The following FMNL3 variants were observed in gnomAD, a reference collection of about 807,000 sequenced individuals.
The protein encoded by FMNL3 is formin-like protein 3.
Under a neutral mutation model 119.6 loss-of-function variants are expected in FMNL3, and 57 were observed. The ratio of observed to expected loss-of-function variants is 0.48; its 90% CI spans 0.39 to 0.59. FMNL3 has a LOEUF of 0.59. FMNL3 is among the 20% of genes least tolerant of loss of function. FMNL3 has a pLI of 0.00. For missense variants in FMNL3, 1,053 were observed against 1,323.5 expected (o/e 0.80, Z 3.17); for synonymous variants, 491 against 507.3 (o/e 0.97, Z 0.43).
rs192758732 is a variant in FMNL3 at position 49,647,739 on chromosome 12, G to A, written c.2742C>T (p.Phe914=). 2.0e-3 allele frequency: 3,249 copies of A among 1,614,188 alleles called. 9 individuals are homozygous for A. Among genetic ancestry groups the A allele is most frequent in the Admixed American group, 8.9e-3 (532 of 60,028 alleles). ...GAATGAATCGGACAAATACTGGGAA[G>A]AATACAGAAGGAGGTGTAGTCTTGG... ...ESPKTTPPSV[F]FPVFVRFIRS... is the part of the protein sequence containing the mutation. The change falls in exon 23 of 26, where the codon TTC becomes TTT. Residue 914 remains phenylalanine (F), a synonymous_variant. Coordinates refer to ENST00000335154, the MANE Select transcript of FMNL3 (RefSeq NM_175736.5). This position sits in a 1 kb window ranked among gnomAD's most constrained non-coding sequence, Gnocchi z 4.9.
chr12:49,691,307 C>A (rs1324103032), intron 1 of FMNL3, among the ~76,000 whole-genome samples: 1 of 151,990 alleles, frequency 6.6e-6, no homozygotes, highest in Non-Finnish European at 1.5e-5. Context: ...TATCCTTATT[C>A]CTAGAAGGCA....
At chr12:49,658,337 T>C in intron 6 of FMNL3, 105 bp downstream of exon 6, 1 of 1,444,412 alleles carries the variant, frequency 6.9e-7, no homozygotes, top group Non-Finnish European at 9.1e-7. Context: ...GAGCTGAGCC[T>C]GGAAGCAAGA....
chr12:49,654,842 C>G, intron 10 of FMNL3, 68 bp downstream of exon 10: 4 of 1,463,076 alleles, frequency 2.7e-6, no homozygotes, highest in Non-Finnish European at 3.8e-6. Flanking sequence ...GTTGGCCTCA[C>G]CCCTGTTGTC....
At chr12:49,699,665 G>A (rs1184562991) in intron 1 of FMNL3, among the ~76,000 whole-genome samples, 2 of 152,070 alleles carry the variant, frequency 1.3e-5, no homozygotes, top group Non-Finnish European at 2.9e-5. Context: ...GCTTTTATAC[G>A]TGAAAAATAT....
At position 49,668,513 on chromosome 12, in the gene FMNL3, C is replaced by G. The variant is rs1424848139; in HGVS notation, c.168G>C (p.Arg56=). The G allele has an allele frequency of 2.5e-6, 4 of 1,614,178 alleles. No homozygotes were observed. Among genetic ancestry groups the G allele is most frequent in the Non-Finnish European group, 3.4e-6 (4 of 1,180,036 alleles). Residue 56 remains arginine, a synonymous_variant, in exon 2 of 26, where the codon CGG becomes CGC. Transcript: ENST00000335154. The stretch of plus-strand genomic sequence containing the variant: ...CCCATTTCTTCTCATTGTCATACTG[C>G]CGCAGGAGCCGGGCCTTGTCTGGAG... ...NLPPDKARLL[R]QYDNEKKWDL...
chr12:49,649,046 A>G lies in FMNL3; in HGVS notation c.2498T>C (p.Val833Ala), dbSNP rs1213870152. The G allele has an allele frequency of 6.2e-7, 1 of 1,602,520 alleles. No homozygotes were observed. Among genetic ancestry groups the G allele is most frequent in the Admixed American group, 1.7e-5 (1 of 59,098 alleles). ...CTCCTCACCTGCTGCAGCCTTCTCA[A>G]CAAAGTGCAGCTCATGCCAGAAGTT... ...LANFWHELHF[V>A]EKAAAVSLEN... The change falls in exon 21 of 26, where the codon GTT (valine) becomes GCT (alanine). Residue 833 changes from valine to alanine, a missense_variant. Coordinates refer to ENST00000335154, the MANE Select transcript of FMNL3 (RefSeq NM_175736.5). The surrounding 1 kb of genome is among the most constrained non-coding windows in gnomAD (Gnocchi z 5.6).
chr12:49,680,430 C>T (rs183479890), intron 1 of FMNL3, among the ~76,000 whole-genome samples: 8 of 152,322 alleles, frequency 5.3e-5, no homozygotes, highest in African/African-American at 1.4e-4. Context: ...ACATCCTCAG[C>T]GCCTCAGTGC....
chr12:49,673,146 C>T (rs1191503833), intron 1 of FMNL3, among the ~76,000 whole-genome samples: 4 of 152,198 alleles, frequency 2.6e-5, no homozygotes, highest in African/African-American at 9.7e-5. Flanking sequence ...CACACTCAGC[C>T]CATGGGGACA....
chr12:49,658,614 A>G lies in FMNL3; in HGVS notation c.453-20T>C. 6.3e-7 allele frequency: 1 copy of G among 1,584,994 alleles called. No homozygotes were observed. ...TCAAACCTGGAGCATGAAAGGACACACATGCGCATACACAGGCACATACAC... is the reference window on the plus strand; with the variant it reads ...TCAAACCTGGAGCATGAAAGGACACGCATGCGCATACACAGGCACATACAC... On this transcript the variant is annotated intron_variant, in intron 5 of 25. Transcript: ENST00000335154.
intron 9 of FMNL3, 32 bp downstream of exon 9, chr12:49,656,372 C>A: frequency 1.3e-6 from 2 of 1,508,406 alleles, no homozygotes; most frequent in Non-Finnish European, 1.8e-6. Flanking sequence ...CCCGCAAACA[C>A]ACACACACAC....
At chr12:49,664,414 A>G (rs1448235025) in intron 4 of FMNL3, among the ~76,000 whole-genome samples, 1 of 152,148 alleles carries the variant, frequency 6.6e-6, no homozygotes, top group Non-Finnish European at 1.5e-5. Context: ...TAAAAAACAA[A>G]TAAACAAAAA....
chr12:49,651,367 C>T lies in FMNL3; in HGVS notation c.1672+15G>A, dbSNP rs750348151. 5 of 1,576,158 alleles carry T rather than the reference C, an allele frequency of 3.2e-6. No individual in the cohort carries two copies. The highest frequency in any genetic ancestry group is 4.3e-6 in the Non-Finnish European group (5 of 1,153,476). On this transcript the variant is annotated intron_variant, in intron 15 of 25. Transcript: ENST00000335154. ...TGGTCCCACCAGCCCTGCCCAGAGC[C>T]CTGGGGATACTCACCTGACAGGCCC... is the stretch of plus-strand genomic sequence containing the variant.
At chr12:49,668,956 G>A (rs1943965808) in intron 1 of FMNL3, among the ~76,000 whole-genome samples, 1 of 152,150 alleles carries the variant, frequency 6.6e-6, no homozygotes, top group Admixed American at 6.5e-5. Context: ...CATGAGATGG[G>A]TCAAAAAATT....
intron 1 of FMNL3, among the ~76,000 whole-genome samples, chr12:49,684,995 T>C (rs1212238760): frequency 3.3e-5 from 5 of 152,174 alleles, no homozygotes; most frequent in Admixed American, 3.3e-4. Flanking sequence ...CTCTGGCCCA[T>C]CCATTCTAGA....
intron 1 of FMNL3, among the ~76,000 whole-genome samples, chr12:49,677,309 C>A (rs6580719): frequency 0.21 from 31,961 of 152,048 alleles, 5,648 homozygotes; most frequent in African/African-American, 0.49. Flanking sequence ...TCTCAGTGAC[C>A]CTCCTAGAGG....
intron 4 of FMNL3, among the ~76,000 whole-genome samples, chr12:49,662,977 C>T (rs1313289293): frequency 6.6e-6 from 1 of 152,168 alleles, no homozygotes; most frequent in African/African-American, 2.4e-5. Flanking sequence ...CCCAAACTGC[C>T]CTGCGGGGCC....
intron 1 of FMNL3, among the ~76,000 whole-genome samples, chr12:49,675,196 A>G (rs1944151402): frequency 1.3e-5 from 2 of 152,210 alleles, no homozygotes; most frequent in African/African-American, 4.8e-5. Flanking sequence ...TGCCCAGTCA[A>G]AAAATATACA....
Position 49,645,798 on chromosome 12 carries a change from C to T in FMNL3, c.*17G>A. The T allele has an allele frequency of 1.3e-6, 2 of 1,591,698 alleles. No homozygotes were observed. The highest frequency in any genetic ancestry group is 1.7e-6 in the Non-Finnish European group (2 of 1,171,668). ...TAGGACTCTGAGGGGTGAAGTGCTT[C>T]TGCCTCCGAGAGGGTCTCAGTGGGG... On this transcript the variant is annotated 3_prime_UTR_variant, in exon 26 of 26. Transcript: ENST00000335154.
At chr12:49,652,701 T>C (rs1386715534) in intron 13 of FMNL3, among the ~76,000 whole-genome samples, 1 of 152,208 alleles carries the variant, frequency 6.6e-6, no homozygotes, top group Non-Finnish European at 1.5e-5. Context: ...AGATACATAT[T>C]GAGCTCAACA....
Sources: gnomAD v4.1 joint callset for allele counts (sites outside exome capture counted in the v4.1 genomes callset) on GRCh38, gnomAD v4.1.1 for gene constraint, Gnocchi (gnomAD v3.1) non-coding constraint, MANE v1.5 for transcripts, NCBI Gene and HGNC (gene_info 2026-07-23, HGNC 2026-07-21) for gene names.